ROBO2: variants seen among roughly 807,000 people sequenced by gnomAD.
ROBO2 encodes the protein roundabout homolog 2.
Under a neutral mutation model 160.8 loss-of-function variants are expected in ROBO2, and 53 were observed. That is an observed-to-expected ratio of 0.33 (90% CI 0.26 to 0.41). The LOEUF is 0.41. Ranked by LOEUF, ROBO2 falls within the 10% of genes least tolerant of loss-of-function variation. The pLI is 1.00. For missense variants in ROBO2, 1,577 were observed against 1,722.4 expected, an observed-to-expected ratio of 0.92 and a Z score of 1.49; for synonymous variants, 664 against 611.7, an observed-to-expected ratio of 1.09 and a Z score of -1.26.
At chr3:77,006,913 A>C (rs2061610390) in intron 2 of ROBO2, among the ~76,000 whole-genome samples, 1 of 152,184 alleles carries the variant, frequency 6.6e-6, no homozygotes, top group Non-Finnish European at 1.5e-5. Context: ...TACCTCTCTT[A>C]GGATGAATGA....
intron 2 of ROBO2, among the ~76,000 whole-genome samples, chr3:76,662,119 C>G (rs1021619708): frequency 1.3e-5 from 2 of 152,232 alleles, no homozygotes; most frequent in African/African-American, 4.8e-5. Flanking sequence ...CACTTCCCAT[C>G]ATGGCCTGAA....
chr3:76,609,318 C>T (rs2087897740), intron 2 of ROBO2, among the ~76,000 whole-genome samples: 1 of 151,964 alleles, frequency 6.6e-6, no homozygotes, highest in African/African-American at 2.4e-5. Context: ...TGTTTTTTTA[C>T]TTAGGACAGG....
chr3:77,110,495 A>G, intron 2 of ROBO2, among the ~76,000 whole-genome samples: 1 of 151,828 alleles, frequency 6.6e-6, no homozygotes, highest in East Asian at 1.9e-4. Context: ...CAAAGGAGGA[A>G]GCATAGCCTT....
chr3:76,529,086 C>A (rs938294659), intron 2 of ROBO2, among the ~76,000 whole-genome samples: 1 of 151,998 alleles, frequency 6.6e-6, no homozygotes, highest in Non-Finnish European at 1.5e-5. Flanking sequence ...ATGAGAAAGA[C>A]AAAACTGTTG....
At chr3:76,226,935 G>A (rs1161570693) in intron 2 of ROBO2, among the ~76,000 whole-genome samples, 3 of 152,144 alleles carry the variant, frequency 2.0e-5, no homozygotes, top group Admixed American at 2.0e-4. Context: ...TGAAAGTCCA[G>A]GAGGCCTCAC....
At chr3:77,612,737 G>A (rs993865237) in intron 21 of ROBO2, among the ~76,000 whole-genome samples, 1 of 152,076 alleles carries the variant, frequency 6.6e-6, no homozygotes, top group African/African-American at 2.4e-5. Context: ...ACGAGGTTAG[G>A]AGATCGTGAC....
At chr3:76,481,102 C>T (rs559390415) in intron 2 of ROBO2, among the ~76,000 whole-genome samples, 2 of 152,194 alleles carry the variant, frequency 1.3e-5, no homozygotes, top group Admixed American at 6.6e-5. Flanking sequence ...CAAGGAAATG[C>T]GTCTCAATGA....
intron 1 of ROBO2, among the ~76,000 whole-genome samples, chr3:75,935,312 G>A (rs987948695): frequency 1.3e-5 from 2 of 151,964 alleles, no homozygotes; most frequent in Admixed American, 1.3e-4. Context: ...TTGACCTAAG[G>A]AGTCTGAGAC....
chr3:77,632,644 C>T (rs1482176863), intron 23 of ROBO2: 1 of 1,534,682 alleles, frequency 6.5e-7, no homozygotes, highest in Admixed American at 2.0e-5. Flanking sequence ...TGGAACCAGC[C>T]TTACAAGAAC....
At chr3:76,558,988 C>A (rs555221941) in intron 2 of ROBO2, among the ~76,000 whole-genome samples, 1 of 152,206 alleles carries the variant, frequency 6.6e-6, no homozygotes, top group East Asian at 1.9e-4. Context: ...AAACCTAGGT[C>A]TCTATTTTTA....
intron 2 of ROBO2, among the ~76,000 whole-genome samples, chr3:76,120,148 T>C (rs1298401109): frequency 6.6e-6 from 1 of 151,862 alleles, no homozygotes; most frequent in African/African-American, 2.4e-5. Flanking sequence ...ATTCCAGGCA[T>C]GCACCACCAT....
Position 76,352,918 on chromosome 3 carries a change from G to A in ROBO2, c.109+415316G>A, listed in dbSNP as rs537913457. Reference sequence around the variant, plus strand: ...ACTCTGAAAATAGCAAGGCACACGTGGCTTTTGACAAGAGGTTGCAGGAAG... The same window carrying A: ...ACTCTGAAAATAGCAAGGCACACGTAGCTTTTGACAAGAGGTTGCAGGAAG... On this transcript the variant is annotated intron_variant, in intron 2 of 26. Transcript: ENST00000487694. Among the ~76,000 whole-genome samples the A allele has an allele frequency of 2.6e-5, 4 of 152,022 alleles. No homozygotes were observed. The South Asian group carries it at 8.3e-4, about 32-fold the overall frequency.
At chr3:76,338,653 G>C (rs1053234340) in intron 2 of ROBO2, among the ~76,000 whole-genome samples, 1 of 151,684 alleles carries the variant, frequency 6.6e-6, no homozygotes, top group African/African-American at 2.4e-5. Context: ...CCCAGCCTGG[G>C]AGAGTGACAG....
chr3:76,591,908 G>A (rs1334980564), intron 2 of ROBO2, among the ~76,000 whole-genome samples: 1 of 152,084 alleles, frequency 6.6e-6, no homozygotes, highest in Admixed American at 6.6e-5. Flanking sequence ...GCCAGGCCAT[G>A]TAATATGAGG....
At chr3:76,395,001 A>C (rs1179895781) in intron 2 of ROBO2, among the ~76,000 whole-genome samples, 1 of 152,070 alleles carries the variant, frequency 6.6e-6, no homozygotes, top group Non-Finnish European at 1.5e-5. Context: ...AGAACTCTCC[A>C]CCCCAAATCA....
chr3:77,595,240 A>T lies in ROBO2; in HGVS notation c.2726+56A>T, dbSNP rs1583173834. The T allele has an allele frequency of 2.3e-6, 3 of 1,307,250 alleles. No homozygotes were observed. The East Asian group carries it at 7.0e-5, about 30-fold the overall frequency. 81.0% of individuals were successfully genotyped at this position (1,307,250 alleles called of 1,614,324 possible). A position where few individuals can be genotyped will look rare whatever the true frequency, so the allele number is the denominator to read the frequency against. On this transcript the variant is annotated intron_variant, in intron 18 of 25. Transcript: ENST00000461745. ...TTTATTTTTAATCAGGACTGGGGAA[A>T]CTCTATAGTAAGAGCCTATTATTGT...
intron 2 of ROBO2, among the ~76,000 whole-genome samples, chr3:77,474,177 T>C (rs1239432292): frequency 6.6e-6 from 1 of 152,174 alleles, no homozygotes; most frequent in Admixed American, 6.5e-5. Flanking sequence ...TCCCAGGCTA[T>C]TGTATGTTCT....
chr3:76,681,504 G>A (rs1263132530), intron 2 of ROBO2, among the ~76,000 whole-genome samples: 1 of 151,924 alleles, frequency 6.6e-6, no homozygotes, highest in African/African-American at 2.4e-5. Context: ...GCAAGTGGCT[G>A]AGTCTGGCTT....
intron 2 of ROBO2, among the ~76,000 whole-genome samples, chr3:76,492,388 G>A (rs2079879998): frequency 6.6e-6 from 1 of 152,096 alleles, no homozygotes; most frequent in South Asian, 2.1e-4. Flanking sequence ...GACCATGCAT[G>A]TTCTCTCATA....
Sources: gnomAD v4.1 joint callset for allele counts (sites outside exome capture counted in the v4.1 genomes callset) on GRCh38, gnomAD v4.1.1 for gene constraint, MANE v1.5 for transcripts, NCBI Gene and HGNC (gene_info 2026-07-23, HGNC 2026-07-21) for gene names.